POLA2: variants seen among roughly 807,000 people sequenced by gnomAD.
POLA2 encodes DNA polymerase alpha 2, accessory subunit.
POLA2 carries 47 observed loss-of-function variants against 82.8 expected under a neutral mutation model. The ratio of observed to expected loss-of-function variants is 0.57; its 90% CI spans 0.45 to 0.72. POLA2 has a LOEUF of 0.72. Ranked by LOEUF, POLA2 falls within the 30% of genes least tolerant of loss-of-function variation. The pLI is 0.00. For missense variants in POLA2, 634 were observed against 728.1 expected, an observed-to-expected ratio of 0.87 and a Z score of 1.49; for synonymous variants, 287 against 286.8, an observed-to-expected ratio of 1.00 and a Z score of -0.01.
chr11:65,267,916 T>A (rs1407487512), intron 3 of POLA2, among the ~76,000 whole-genome samples: 1 of 151,594 alleles, frequency 6.6e-6, no homozygotes, highest in Non-Finnish European at 1.5e-5. Flanking sequence ...CTCAGCCTCC[T>A]GAGTAGCTGG....
intron 1 of POLA2, 87 bp downstream of exon 1, chr11:65,262,458 T>A: frequency 9.3e-7 from 1 of 1,069,566 alleles, no homozygotes; most frequent in Middle Eastern, 2.0e-4. Context: ...GTGGAGCGCT[T>A]CCAATTTCCA....
At chr11:65,272,449 A>G (rs1949531540) in intron 4 of POLA2, among the ~76,000 whole-genome samples, 1 of 152,150 alleles carries the variant, frequency 6.6e-6, no homozygotes, top group South Asian at 2.1e-4. Context: ...TTAGCTTATC[A>G]CTATTAAATA....
chr11:65,283,667 G>T (rs949326758), intron 10 of POLA2, among the ~76,000 whole-genome samples: 1 of 151,718 alleles, frequency 6.6e-6, no homozygotes, highest in African/African-American at 2.4e-5. Flanking sequence ...ATAGTGATGG[G>T]GTTTCACCAT....
chr11:65,268,872 A>G (rs1949491418), intron 4 of POLA2, 143 bp downstream of exon 4: 2 of 545,810 alleles, frequency 3.7e-6, no homozygotes, highest in South Asian at 2.5e-5. Flanking sequence ...CTTTCTGATC[A>G]TATGTCTAAA....
In POLA2 at chr11:65,289,962, G is replaced by A. The variant is rs1037281479; in HGVS notation, c.1244+90G>A. ...GAAACTGAAACTGCTTAAAAGTCGT[G>A]GCAGGGCCAGGCTCAGTGGATCACA... On this transcript the variant is annotated intron_variant, in intron 13 of 17. Coordinates refer to ENST00000265465, the MANE Select transcript of POLA2 (RefSeq NM_002689.4). 7 of 812,470 alleles carry A rather than the reference G, an allele frequency of 8.6e-6. No homozygotes were observed. In the African/African-American group the frequency reaches 1.2e-4, roughly 14 times the overall value. 50.3% of individuals were successfully genotyped at this position (812,470 alleles called of 1,614,324 possible).
At chr11:65,267,190 C>T (rs1216131352) in intron 2 of POLA2, among the ~76,000 whole-genome samples, 2 of 151,470 alleles carry the variant, frequency 1.3e-5, no homozygotes, top group East Asian at 1.9e-4. Context: ...TGGGACAGAG[C>T]GAGACTCCAT....
chr11:65,270,828 C>T (rs763973256), intron 4 of POLA2, among the ~76,000 whole-genome samples: 2 of 152,222 alleles, frequency 1.3e-5, no homozygotes, highest in African/African-American at 4.8e-5. Context: ...CCAGAGTGCT[C>T]CTTTCCAGCA....
Position 65,287,756 on chromosome 11 carries a change from C to T in POLA2, c.1047C>T (p.Tyr349=), listed in dbSNP as rs1302634960. ...QSMVLVACGP[Y]TTSDSITYDP... Reference sequence around the variant, plus strand: ...TGGTCCTGGTTGCCTGTGGACCATACACCACATCTGACAGCATCACGTATG... The same window carrying T: ...TGGTCCTGGTTGCCTGTGGACCATATACCACATCTGACAGCATCACGTATG... Residue 349 remains tyrosine (Y), a synonymous_variant, in exon 11 of 18, where the codon TAC becomes TAT. Transcript: ENST00000265465. The T allele has an allele frequency of 6.2e-7, 1 of 1,613,584 alleles. No homozygotes were observed. Among genetic ancestry groups the T allele is most frequent in the Admixed American group, 1.7e-5 (1 of 59,978 alleles).
chr11:65,287,082 T>C (rs1949705032), intron 10 of POLA2, among the ~76,000 whole-genome samples: 1 of 152,200 alleles, frequency 6.6e-6, no homozygotes, highest in East Asian at 1.9e-4. Flanking sequence ...TTCTGGGTCA[T>C]GTGCCTGCCC....
chr11:65,292,060 G>A (rs892616840), intron 13 of POLA2, among the ~76,000 whole-genome samples: 2 of 152,158 alleles, frequency 1.3e-5, no homozygotes, highest in African/African-American at 4.8e-5. Flanking sequence ...CCAACACGGC[G>A]AAACCCCATC....
chr11:65,294,727 C>T lies in POLA2; in HGVS notation c.1460+75C>T. 3.0e-6 allele frequency: 3 copies of T among 998,560 alleles called. No individual in the cohort carries two copies. The South Asian group carries it at 4.2e-5, about 14-fold the overall frequency. 61.9% of individuals were successfully genotyped at this position (998,560 alleles called of 1,614,324 possible). A position where few individuals can be genotyped will look rare whatever the true frequency, so the allele number is the denominator to read the frequency against. ...CAGCCCTTTCTGCAGCCAAGAAAAT[C>T]AAGGGGCTGCTTAACGGTCTTGACC... On this transcript the variant is annotated intron_variant, in intron 15 of 17. Transcript: ENST00000265465.
At chr11:65,274,373 GAA>G (rs997829122) in intron 4 of POLA2, among the ~76,000 whole-genome samples, 1 of 141,694 alleles carries the variant, frequency 7.1e-6, no homozygotes. Flanking sequence ...TTCCGTCTCG[GAA>G]AAAAAAAAAG....
intron 4 of POLA2, among the ~76,000 whole-genome samples, chr11:65,274,328 C>T (rs1178524783): frequency 1.3e-5 from 2 of 150,784 alleles, no homozygotes; most frequent in South Asian, 2.1e-4. Context: ...GATCGCACAT[C>T]GCACTCCAGC....
chr11:65,268,291 C>T (rs1949483673), intron 3 of POLA2, among the ~76,000 whole-genome samples: 1 of 151,600 alleles, frequency 6.6e-6, no homozygotes, highest in South Asian at 2.1e-4. Flanking sequence ...TAAAAATTGC[C>T]TAATATTGAG....
chr11:65,275,549 T>C (rs1949567960), intron 4 of POLA2, among the ~76,000 whole-genome samples: 1 of 152,176 alleles, frequency 6.6e-6, no homozygotes, highest in African/African-American at 2.4e-5. Flanking sequence ...AAACTATGCA[T>C]TGTAAAACTC....
chr11:65,279,636 G>T lies in POLA2; in HGVS notation c.744+10G>T. ...GCTAGCCCCAGCACAGGTAAGAGTT[G>T]TTCTAATAGTTCTCACTAATTAATA... On this transcript the variant is annotated intron_variant, in intron 7 of 17. Coordinates refer to ENST00000265465, the MANE Select transcript of POLA2 (RefSeq NM_002689.4). The T allele has an allele frequency of 6.4e-7, 1 of 1,551,698 alleles. No homozygotes were observed. Among genetic ancestry groups the T allele is most frequent in the Non-Finnish European group, 8.9e-7 (1 of 1,128,812 alleles).
At position 65,294,612 on chromosome 11, in the gene POLA2, AC is replaced by A. The variant is rs1949790416; in HGVS notation, c.1421del (p.Thr474LysfsTer30). ...CGGAGTGATCTTCGGCTTGACATCC[AC>A]AGATCTGCTTTTCCACCTGGGGGCC... The part of the protein sequence containing the change: ...INGVIFGLTS[T>X]DLLFHLGAEE... On this transcript the variant is annotated frameshift_variant, in exon 15 of 18. Coordinates refer to ENST00000265465, the MANE Select transcript of POLA2 (RefSeq NM_002689.4). LOFTEE classifies it high-confidence loss of function. The A allele has an allele frequency of 6.2e-7, 1 of 1,613,906 alleles. No homozygotes were observed. The highest frequency in any genetic ancestry group is 1.7e-5 in the Admixed American group (1 of 59,990).
At chr11:65,280,107 A>G (rs2137540185) in intron 7 of POLA2, 1 of 153,586 alleles carries the variant, frequency 6.5e-6, no homozygotes, top group South Asian at 2.1e-4. Flanking sequence ...TCTCTCTAGA[A>G]TGTTTTCTAA....
At chr11:65,301,053 G>A (rs997504192), downstream of POLA2, among the ~76,000 whole-genome samples, 3 of 152,158 alleles carry the variant, frequency 2.0e-5, no homozygotes, top group African/African-American at 4.8e-5. Context: ...AATAGTGGAC[G>A]CTTGTGTGCA....
Sources: gnomAD v4.1 joint callset for allele counts (sites outside exome capture counted in the v4.1 genomes callset) on GRCh38, gnomAD v4.1.1 for gene constraint, MANE v1.5 for transcripts, NCBI Gene and HGNC (gene_info 2026-07-23, HGNC 2026-07-21) for gene names.